The following ABCC6 variants were observed in gnomAD, a reference collection of about 807,000 sequenced individuals.
ABCC6 encodes the protein ATP-binding cassette sub-family C member 6.
In ABCC6, 126 loss-of-function variants were observed where a neutral mutation model predicts 169.5. The observed-to-expected ratio is 0.74, with a 90% CI of 0.64 to 0.86. The LOEUF (loss-of-function observed/expected upper bound fraction) is 0.86. ABCC6 is among the 40% of genes least tolerant of loss of function. The pLI, the probability that ABCC6 is intolerant of heterozygous loss-of-function variation, is 0.00. For missense variants in ABCC6, 1,733 were observed against 1,927.2 expected, an observed-to-expected ratio of 0.90 and a Z score of 1.89; for synonymous variants, 752 against 814.7, an observed-to-expected ratio of 0.92 and a Z score of 1.31.
intron 10 of ABCC6, among the ~76,000 whole-genome samples, chr16:16,196,053 T>C (rs894594711): frequency 8.6e-5 from 13 of 151,892 alleles, no homozygotes; most frequent in Non-Finnish European, 7.4e-5. Flanking sequence ...CTACTAAAAA[T>C]ACAAAAATTA....
chr16:16,222,529 A>C (rs796258299), intron 1 of ABCC6, among the ~76,000 whole-genome samples: 21 of 152,108 alleles, frequency 1.4e-4, no homozygotes, highest in East Asian at 5.8e-4. Flanking sequence ...AGGCATAAGC[A>C]GCCTCACCAG....
At chr16:16,189,051 G>C in intron 12 of ABCC6, 77 bp from the exon 13 acceptor site, 1 of 1,542,530 alleles carries the variant, frequency 6.5e-7, no homozygotes, top group Non-Finnish European at 8.9e-7. Context: ...AAGCTGTGGT[G>C]CCTGCACGGT....
intron 6 of ABCC6, 133 bp from the exon 7 acceptor site, chr16:16,208,992 GAA>G: frequency 1.1e-6 from 1 of 940,028 alleles, no homozygotes; most frequent in East Asian, 2.6e-5. Context: ...TGGGTAAAAA[GAA>G]AGCAATTCAC....
intron 7 of ABCC6, among the ~76,000 whole-genome samples, chr16:16,207,711 A>G (rs1894378): frequency 6.6e-5 from 10 of 152,362 alleles, no homozygotes; most frequent in South Asian, 4.1e-4. Flanking sequence ...AACGTGTCCA[A>G]GGTCATCACT....
intron 15 of ABCC6, among the ~76,000 whole-genome samples, chr16:16,183,175 C>A (rs766014541): frequency 1.3e-5 from 2 of 152,186 alleles, no homozygotes; most frequent in Non-Finnish European, 2.9e-5. Flanking sequence ...TACAAGCATG[C>A]TAGCATGCAC....
At chr16:16,173,085 T>G (rs1357736298) in intron 21 of ABCC6, 199 bp downstream of exon 21, 5 of 666,158 alleles carry the variant, frequency 7.5e-6, no homozygotes, top group Admixed American at 5.9e-5. Context: ...AGTTTCTTTA[T>G]GTCTGAAATA....
At chr16:16,190,878 G>T (rs2047827276) in intron 11 of ABCC6, among the ~76,000 whole-genome samples, 1 of 131,012 alleles carries the variant, frequency 7.6e-6, no homozygotes, top group Admixed American at 7.9e-5. Context: ...GGATGGAGCT[G>T]GAGAAGAGGG....
chr16:16,160,545 G>C (rs1361601621), intron 25 of ABCC6, among the ~76,000 whole-genome samples: 1 of 139,774 alleles, frequency 7.2e-6, no homozygotes, highest in Non-Finnish European at 1.5e-5. Context: ...TATAATCTCA[G>C]CATTTTGGGA....
intron 23 of ABCC6, 59 bp from the exon 24 acceptor site, chr16:16,163,251 C>G: frequency 6.5e-7 from 1 of 1,535,478 alleles, no homozygotes; most frequent in Non-Finnish European, 8.9e-7. Context: ...GAGGTAGTTT[C>G]CAGAAGCACA....
At chr16:16,210,534 G>A (rs114912384) in intron 6 of ABCC6, among the ~76,000 whole-genome samples, 5,408 of 152,240 alleles carry the variant, frequency 0.036, 116 homozygotes, top group African/African-American at 0.046. Flanking sequence ...AATTATTTTT[G>A]GAGTTCTCCT....
chr16:16,163,974 G>A (rs924077365), intron 23 of ABCC6, among the ~76,000 whole-genome samples: 2 of 152,030 alleles, frequency 1.3e-5, no homozygotes, highest in South Asian at 4.2e-4. Context: ...GCCCATCCTC[G>A]GAGTCAAGTG....
chr16:16,154,909 C>T lies in ABCC6; in HGVS notation c.4005G>A (p.Leu1335=), dbSNP rs770266146. Residue 1335 remains leucine (L), a synonymous_variant, in exon 28 of 31, where the codon CTG becomes CTA. Transcript: ENST00000205557. The part of the protein sequence containing the change: ...IDGVPIAHVG[L]HTLRSRISII... The stretch of plus-strand genomic sequence containing the variant: ...TGCTGATCCTGGAGCGCAGTGTGTG[C>T]AGCCCCACGTGGGCAATGGGGACCC... The T allele has an allele frequency of 1.0e-4, 169 of 1,610,522 alleles. 1 individual carries two copies. The East Asian group carries it at 3.8e-3, about 36-fold the overall frequency.
intron 21 of ABCC6, among the ~76,000 whole-genome samples, chr16:16,170,290 GAATCTCGCTGTGTTGCCCAGGCT>G: frequency 6.6e-6 from 1 of 151,926 alleles, no homozygotes; most frequent in Non-Finnish European, 1.5e-5. Context: ...TAAAGAGATG[GAATCTCGCTGTGTTGCCCAGGCT>G]AGTCTCAGAC....
At chr16:16,218,052 G>T (rs1277299255) in intron 4 of ABCC6, among the ~76,000 whole-genome samples, 1 of 152,174 alleles carries the variant, frequency 6.6e-6, no homozygotes, top group Non-Finnish European at 1.5e-5. Context: ...TCGTGCCACT[G>T]CACTCCAGCC....
chr16:16,211,412 A>T (rs957163839), intron 6 of ABCC6, among the ~76,000 whole-genome samples: 1 of 152,186 alleles, frequency 6.6e-6, no homozygotes, highest in African/African-American at 2.4e-5. Flanking sequence ...AAAAGAAAAA[A>T]AAATAATTAC....
rs555114647 is a variant in ABCC6, at chr16:16,149,887, G to A, written c.*246C>T. 2.4e-4 allele frequency: 144 copies of A among 595,104 alleles called. No individual in the cohort carries two copies. The highest frequency in any genetic ancestry group is 4.6e-4 in the Middle Eastern group (1 of 2,178). 36.9% of individuals were successfully genotyped at this position (595,104 alleles called of 1,614,324 possible). On this transcript the variant is annotated 3_prime_UTR_variant, in exon 31 of 31. Transcript: ENST00000205557. Reference sequence around the variant, plus strand: ...TACAGCGGGGCTGAGAGTCGCTGTTGACATTGGCTGCAGGGTGGACAGGGC... The same window carrying A: ...TACAGCGGGGCTGAGAGTCGCTGTTAACATTGGCTGCAGGGTGGACAGGGC...
chr16:16,185,111 AT>A (rs1489837123), intron 14 of ABCC6, 77 bp from the exon 15 acceptor site: 1 of 1,332,950 alleles, frequency 7.5e-7, no homozygotes, highest in Non-Finnish European at 1.1e-6. Flanking sequence ...CCCAGGCACC[AT>A]CCCCCGCCCC....
intron 18 of ABCC6, among the ~76,000 whole-genome samples, chr16:16,178,326 CAAAAAA>C (rs35724767): frequency 6.8e-6 from 1 of 146,098 alleles, no homozygotes; most frequent in Non-Finnish European, 1.5e-5. Flanking sequence ...GACTCCATCT[CAAAAAA>C]AAAAGAAAAA....
intron 13 of ABCC6, among the ~76,000 whole-genome samples, chr16:16,187,592 C>G (rs965576521): frequency 6.6e-6 from 1 of 152,182 alleles, no homozygotes. Flanking sequence ...AGAAAGAGAC[C>G]AGTCGTTAAA....
Sources: allele counts gnomAD v4.1 joint callset (sites outside exome capture counted in the v4.1 genomes callset), GRCh38; gene constraint gnomAD v4.1.1; transcripts MANE v1.5; gene names NCBI Gene and HGNC (gene_info 2026-07-23, HGNC 2026-07-21).